ELK3: variants seen among roughly 807,000 people sequenced by gnomAD.
The protein encoded by ELK3 is ETS transcription factor ELK3, also known as ETS domain-containing protein Elk-3.
A neutral mutation model predicts 28.9 loss-of-function variants in ELK3; 10 were observed. The observed-to-expected ratio is 0.35, with a 90% CI of 0.21 to 0.59. ELK3 has a LOEUF of 0.59. ELK3 is among the 20% of genes least tolerant of loss of function. The probability of loss-of-function intolerance (pLI) is 0.82; values close to 1 mark genes in which losing one functional copy is unlikely to be tolerated. For synonymous variants in ELK3, 272 were observed against 243.5 expected, an observed-to-expected ratio of 1.12 and a Z score of -1.09; for missense variants, 463 against 517.3, an observed-to-expected ratio of 0.90 and a Z score of 1.02.
At chr12:96,214,951 T>C (rs904568960) in intron 1 of ELK3, among the ~76,000 whole-genome samples, 20 of 152,206 alleles carry the variant, frequency 1.3e-4, no homozygotes, top group African/African-American at 4.8e-4. Flanking sequence ...GGAGTTGAAC[T>C]CAGCAGAATT....
At chr12:96,260,120 A>G (rs1303518698) in intron 4 of ELK3, among the ~76,000 whole-genome samples, 2 of 152,132 alleles carry the variant, frequency 1.3e-5, no homozygotes, top group Non-Finnish European at 2.9e-5. Flanking sequence ...TGAAAACAGG[A>G]AATTTATTAA....
intron 1 of ELK3, among the ~76,000 whole-genome samples, chr12:96,215,628 C>G (rs1049057801): frequency 7.4e-6 from 1 of 134,934 alleles, no homozygotes; most frequent in Admixed American, 7.9e-5. Flanking sequence ...GGACATAAAA[C>G]CTTTTTTTTT....
chr12:96,202,779 G>A (rs558643236), intron 1 of ELK3, among the ~76,000 whole-genome samples: 7 of 151,754 alleles, frequency 4.6e-5, no homozygotes, highest in South Asian at 4.2e-4. Flanking sequence ...CGCCTGCCTC[G>A]GCCTCCCAAA....
intron 1 of ELK3, among the ~76,000 whole-genome samples, chr12:96,210,685 T>C (rs1951572561): frequency 6.6e-6 from 1 of 152,128 alleles, no homozygotes; most frequent in South Asian, 2.1e-4. Context: ...CTTGCTTATT[T>C]AGTGTTGGGT....
intron 3 of ELK3, among the ~76,000 whole-genome samples, chr12:96,256,914 ACT>A (rs142808104): frequency 1.1e-3 from 169 of 151,826 alleles, no homozygotes; most frequent in East Asian, 6.4e-3. Flanking sequence ...TTTTTAGGAG[ACT>A]CTATGAAGTG....
intron 2 of ELK3, among the ~76,000 whole-genome samples, chr12:96,244,592 C>T (rs906908511): frequency 3.3e-5 from 5 of 151,738 alleles, no homozygotes; most frequent in Admixed American, 3.3e-4. Flanking sequence ...ATTATTTAGG[C>T]TCTAAAAACT....
At chr12:96,243,269 T>G (rs1025916858) in intron 2 of ELK3, among the ~76,000 whole-genome samples, 1 of 152,168 alleles carries the variant, frequency 6.6e-6, no homozygotes, top group Non-Finnish European at 1.5e-5. Context: ...CTTTAGAACA[T>G]TTTCATTACC....
At chr12:96,243,449 T>C (rs948107598) in intron 2 of ELK3, among the ~76,000 whole-genome samples, 3 of 152,208 alleles carry the variant, frequency 2.0e-5, no homozygotes, top group Non-Finnish European at 4.4e-5. Flanking sequence ...AATATTCTAT[T>C]CTATGGCTCA....
At chr12:96,232,273 T>A (rs1263345326) in intron 2 of ELK3, among the ~76,000 whole-genome samples, 2 of 151,968 alleles carry the variant, frequency 1.3e-5, no homozygotes, top group Admixed American at 1.3e-4. Context: ...TGAGAGCCAA[T>A]GAAAAGTTAA....
Position 96,223,572 on chromosome 12 carries a change from GA to G in ELK3, c.7del (p.Ser3ValfsTer21). On this transcript the variant is annotated frameshift_variant, in exon 2 of 5. Transcript: ENST00000228741. LOFTEE classifies it high-confidence loss of function. Reference protein sequence around the residue: MESAITLWQFLLQ... With the variant: MEXAITLWQFLLQ... ...GGCCTCCTCTCCCTGCAGGTATGGAGAGTGCAATCACGCTGTGGCAGTTCCT... is the reference window on the plus strand; with the variant it reads ...GGCCTCCTCTCCCTGCAGGTATGGAGGTGCAATCACGCTGTGGCAGTTCCT... 6.2e-7 allele frequency: 1 copy of G among 1,614,118 alleles called. No individual in the cohort carries two copies.
intron 4 of ELK3, 148 bp downstream of exon 4, chr12:96,260,001 C>A: frequency 9.2e-7 from 1 of 1,091,574 alleles, no homozygotes; most frequent in South Asian, 2.5e-5. Flanking sequence ...GGGTTGCACG[C>A]CCTTCAGAGG....
intron 4 of ELK3, among the ~76,000 whole-genome samples, chr12:96,262,470 C>T (rs560582432): frequency 1.3e-5 from 2 of 152,092 alleles, no homozygotes; most frequent in Non-Finnish European, 2.9e-5. Context: ...TTTAATTTCA[C>T]CAAGTGGACC....
chr12:96,204,864 C>G (rs762638205), intron 1 of ELK3, among the ~76,000 whole-genome samples: 2 of 152,264 alleles, frequency 1.3e-5, no homozygotes, highest in African/African-American at 2.4e-5. Flanking sequence ...CACTTCCCCT[C>G]TTCATCCCCT....
chr12:96,215,611 T>C (rs528639110), intron 1 of ELK3, among the ~76,000 whole-genome samples: 2 of 147,154 alleles, frequency 1.4e-5, no homozygotes, highest in East Asian at 4.0e-4. Context: ...TGGGAAAGAC[T>C]AAAGAGGGAC....
At chr12:96,230,205 G>A (rs1194704560) in intron 2 of ELK3, among the ~76,000 whole-genome samples, 3 of 152,140 alleles carry the variant, frequency 2.0e-5, no homozygotes, top group Non-Finnish European at 4.4e-5. Flanking sequence ...TGCTGTACAG[G>A]TTTGTAGCCT....
intron 2 of ELK3, among the ~76,000 whole-genome samples, chr12:96,234,290 A>G (rs1171539124): frequency 6.6e-6 from 1 of 152,242 alleles, no homozygotes; most frequent in South Asian, 2.1e-4. Flanking sequence ...GTTGATGAGG[A>G]TGCTTCTGCG....
intron 1 of ELK3, among the ~76,000 whole-genome samples, chr12:96,207,681 G>A (rs547340773): frequency 2.6e-5 from 4 of 152,110 alleles, no homozygotes; most frequent in Admixed American, 6.5e-5. Context: ...GTGATCCCTC[G>A]GTCATGAATA....
chr12:96,264,300 C>T (rs1952014023), intron 4 of ELK3, among the ~76,000 whole-genome samples: 1 of 152,094 alleles, frequency 6.6e-6, no homozygotes, highest in South Asian at 2.1e-4. Context: ...GGAAATGATA[C>T]TACAAATATT....
chr12:96,239,186 T>C (rs1171139235), intron 2 of ELK3, among the ~76,000 whole-genome samples: 2 of 152,256 alleles, frequency 1.3e-5, no homozygotes, highest in Non-Finnish European at 2.9e-5. Context: ...TGTTAAATTT[T>C]AGTATACCTC....
Sources: allele counts gnomAD v4.1 joint callset (sites outside exome capture counted in the v4.1 genomes callset), GRCh38; gene constraint gnomAD v4.1.1; transcripts MANE v1.5; gene names NCBI Gene and HGNC (gene_info 2026-07-23, HGNC 2026-07-21).